Variants in NKD1 observed in about 807,000 individuals in gnomAD.
NKD1 encodes the protein protein naked cuticle homolog 1.
In NKD1, 21 loss-of-function variants were observed where a neutral mutation model predicts 56.0. The ratio of observed to expected loss-of-function variants is 0.38; its 90% CI spans 0.27 to 0.54. NKD1 has a LOEUF of 0.54. NKD1 is among the 20% of genes least tolerant of loss of function. NKD1 has a pLI of 0.82. For missense variants in NKD1, 578 were observed against 642.7 expected, an observed-to-expected ratio of 0.90 and a Z score of 1.09; for synonymous variants, 263 against 265.7, an observed-to-expected ratio of 0.99 and a Z score of 0.10.
At chr16:50,589,520 G>T (rs930691638) in intron 3 of NKD1, among the ~76,000 whole-genome samples, 1 of 152,140 alleles carries the variant, frequency 6.6e-6, no homozygotes, top group African/African-American at 2.4e-5. Flanking sequence ...CCTGGTCGGG[G>T]GCACCATTAA....
rs568394989 is a variant in NKD1, at chr16:50,549,163, C to G, written c.59-259C>G. Among the ~76,000 whole-genome samples the G allele has an allele frequency of 5.6e-4, 85 of 151,404 alleles. 1 individual carries two copies. Among genetic ancestry groups the G allele is most frequent in the Non-Finnish European group, 3.8e-4 (26 of 67,792 alleles). On this transcript the variant is annotated intron_variant, in intron 2 of 9. Coordinates refer to ENST00000268459, the MANE Select transcript of NKD1 (RefSeq NM_033119.5). ...CCGCAGTCCTGGCTGCCAGTGCTCC[C>G]TGGTCTGATCCTAAACCCGTCCTCC...
intron 3 of NKD1, among the ~76,000 whole-genome samples, chr16:50,593,023 AC>A (rs1447253272): frequency 6.6e-6 from 1 of 152,128 alleles, no homozygotes; most frequent in Non-Finnish European, 1.5e-5. Context: ...AAATAGGGAA[AC>A]CAAGGCTCAT....
Position 50,641,772 on chromosome 16 carries a change from G to A in NKD1, c.*7991G>A, listed in dbSNP as rs1458872234. On this transcript the variant is annotated 3_prime_UTR_variant, in exon 10 of 10. Coordinates refer to ENST00000268459, the MANE Select transcript of NKD1 (RefSeq NM_033119.5). ...GAGGATGGCTAAGGGAGCAGCTTCAGGCATGGGAGGACTTTCATGGGGAAG... is the reference window on the plus strand; with the variant it reads ...GAGGATGGCTAAGGGAGCAGCTTCAAGCATGGGAGGACTTTCATGGGGAAG... The A allele has an allele frequency of 6.6e-6, 1 of 152,378 alleles. No homozygotes were observed. The highest frequency in any genetic ancestry group is 1.5e-5 in the Non-Finnish European group (1 of 68,188). 9.4% of individuals were successfully genotyped at this position (152,378 alleles called of 1,614,324 possible). A position where few individuals can be genotyped will look rare whatever the true frequency, so the allele number is the denominator to read the frequency against.
chr16:50,605,456 C>G (rs976625351), intron 3 of NKD1, among the ~76,000 whole-genome samples: 1 of 152,186 alleles, frequency 6.6e-6, no homozygotes, highest in Non-Finnish European at 1.5e-5. Context: ...AATAAATACA[C>G]GCTTACACAG....
chr16:50,626,737 CT>C (rs1253811545), intron 6 of NKD1, among the ~76,000 whole-genome samples: 1 of 151,914 alleles, frequency 6.6e-6, no homozygotes, highest in Non-Finnish European at 1.5e-5. Flanking sequence ...TTTTCCTCCC[CT>C]GTCCCTCTCT....
chr16:50,625,829 C>A (rs920541498), intron 6 of NKD1, among the ~76,000 whole-genome samples: 1 of 109,984 alleles, frequency 9.1e-6, no homozygotes, highest in Non-Finnish European at 2.2e-5. Context: ...CTGTCCCTCC[C>A]GGGAAAGAAG....
chr16:50,548,410 G>C lies in NKD1; in HGVS notation c.-144G>C. ...TCCCGGGCGTCAGTCGGGCCGCGGCGACGGCGGCAGGAGCGCGTCCCGGCG... is the reference window on the plus strand; with the variant it reads ...TCCCGGGCGTCAGTCGGGCCGCGGCCACGGCGGCAGGAGCGCGTCCCGGCG... On this transcript the variant is annotated 5_prime_UTR_variant, in exon 1 of 10. Transcript: ENST00000268459. The C allele has an allele frequency of 3.2e-6, 1 of 308,978 alleles. No individual in the cohort carries two copies. The highest frequency in any genetic ancestry group is 5.1e-6 in the Non-Finnish European group (1 of 195,312). 19.1% of individuals were successfully genotyped at this position (308,978 alleles called of 1,614,324 possible).
chr16:50,628,172 G>T lies in NKD1; in HGVS notation c.463-2014G>T, dbSNP rs867710296. ...CTGGTCTGGTCCCGCAAAGGGTTTT[G>T]TTAAAAATCAGTTGCCAAGATCAGC... On this transcript the variant is annotated intron_variant, in intron 6 of 9. Transcript: ENST00000268459. Among the ~76,000 whole-genome samples, 5 of 152,204 alleles carry T rather than the reference G, an allele frequency of 3.3e-5. No homozygotes were observed. The South Asian group carries it at 8.3e-4, about 25-fold the overall frequency.
intron 4 of NKD1, among the ~76,000 whole-genome samples, chr16:50,615,746 T>C (rs1449067765): frequency 1.3e-5 from 2 of 152,218 alleles, no homozygotes; most frequent in Non-Finnish European, 2.9e-5. Context: ...TCCTCTTTTG[T>C]ACGATGCCAA....
At chr16:50,602,595 C>G (rs1461012469) in intron 3 of NKD1, among the ~76,000 whole-genome samples, 3 of 152,350 alleles carry the variant, frequency 2.0e-5, no homozygotes, top group East Asian at 1.9e-4. Flanking sequence ...TGACCCCCCC[C>G]ACACCCTCTG....
chr16:50,556,273 G>T (rs1189533458), intron 3 of NKD1: 26 of 152,324 alleles, frequency 1.7e-4, no homozygotes, highest in Admixed American at 1.7e-3. Context: ...AAGCCCAGGT[G>T]GGGTGGAGAA....
intron 3 of NKD1, among the ~76,000 whole-genome samples, chr16:50,592,366 T>C (rs1961386472): frequency 6.6e-6 from 1 of 152,176 alleles, no homozygotes; most frequent in Admixed American, 6.5e-5. Flanking sequence ...CCCTCCCCAC[T>C]CCATGATTCA....
chr16:50,626,528 G>A (rs750800711), intron 6 of NKD1, among the ~76,000 whole-genome samples: 1 of 152,200 alleles, frequency 6.6e-6, no homozygotes, highest in African/African-American at 2.4e-5. Context: ...GCAGGCAGAC[G>A]CCAGGGGCTC....
rs967809611 is a variant in NKD1, at chr16:50,623,488, G to A, written c.366+1780G>A. On this transcript the variant is annotated intron_variant, in intron 5 of 9. Transcript: ENST00000268459. The surrounding 1 kb of genome is among the most constrained non-coding windows in gnomAD (Gnocchi z 4.1). ...AAGCCCAGGGCTGAACTCAGTGGCA[G>A]AAGGAAGACCAGGCCCAGGCATCCT... Among the ~76,000 whole-genome samples, 2 of 152,116 alleles carry A rather than the reference G, an allele frequency of 1.3e-5. No individual in the cohort carries two copies. Among genetic ancestry groups the A allele is most frequent in the African/African-American group, 4.8e-5 (2 of 41,428 alleles).
chr16:50,583,639 G>C (rs1177211296), intron 3 of NKD1, among the ~76,000 whole-genome samples: 6 of 152,210 alleles, frequency 3.9e-5, no homozygotes. Context: ...TTTACACAAT[G>C]ATGGATAGCT....
At chr16:50,614,655 G>A (rs1961922367) in intron 4 of NKD1, among the ~76,000 whole-genome samples, 1 of 151,388 alleles carries the variant, frequency 6.6e-6, no homozygotes, top group African/African-American at 2.4e-5. Context: ...TATGGGACCT[G>A]AAGCTTTCTG....
chr16:50,625,829 C>T (rs920541498), intron 6 of NKD1, among the ~76,000 whole-genome samples: 3 of 109,984 alleles, frequency 2.7e-5, no homozygotes, highest in South Asian at 2.5e-4. Flanking sequence ...CTGTCCCTCC[C>T]GGGAAAGAAG....
Position 50,636,101 on chromosome 16 carries a change from G to A in NKD1, c.*2320G>A, listed in dbSNP as rs1476573910. On this transcript the variant is annotated 3_prime_UTR_variant, in exon 10 of 10. Transcript: ENST00000268459. ...GCAGGATTCTGCTTGGCTGGGCTTC[G>A]ATCTGGTACCCATAGCTGGACCAAT... 6.6e-6 allele frequency: 1 copy of A among 152,240 alleles called. No individual in the cohort carries two copies. The highest frequency in any genetic ancestry group is 6.5e-5 in the Admixed American group (1 of 15,286). The allele number at this position is 152,240 out of a possible 1,614,324, so 9.4% of individuals were successfully genotyped here. A position where few individuals can be genotyped will look rare whatever the true frequency, so the allele number is the denominator to read the frequency against.
intron 3 of NKD1, among the ~76,000 whole-genome samples, chr16:50,564,958 C>A (rs973746265): frequency 3.3e-5 from 5 of 152,220 alleles, no homozygotes; most frequent in Non-Finnish European, 7.3e-5. Context: ...TACTTCTAGC[C>A]ATGCTCTGTT....
Sources: gnomAD v4.1 joint callset for allele counts (sites outside exome capture counted in the v4.1 genomes callset) on GRCh38, gnomAD v4.1.1 for gene constraint, Gnocchi (gnomAD v3.1) non-coding constraint, MANE v1.5 for transcripts, NCBI Gene and HGNC (gene_info 2026-07-23, HGNC 2026-07-21) for gene names.